The following ATP8A2 variants were observed in gnomAD, a reference collection of about 807,000 sequenced individuals.
ATP8A2 encodes ATPase phospholipid transporting 8A2, also known as phospholipid-transporting ATPase IB.
ATP8A2 carries 100 observed loss-of-function variants against 165.6 expected under a neutral mutation model. The ratio of observed to expected loss-of-function variants is 0.60; its 90% confidence interval spans 0.51 to 0.71. ATP8A2 has a LOEUF of 0.71. Among genes scored for constraint, ATP8A2 ranks in the 30% least tolerant of loss-of-function variants. The pLI is 0.00. For synonymous variants in ATP8A2, 543 were observed against 548.8 expected (o/e 0.99, Z 0.15); for missense variants, 1,227 against 1,479.5 (o/e 0.83, Z 2.80).
intron 30 of ATP8A2, among the ~76,000 whole-genome samples, chr13:25,841,828 C>T (rs1951751735): frequency 6.6e-6 from 1 of 152,286 alleles, no homozygotes; most frequent in Admixed American, 6.5e-5. Flanking sequence ...GCTCATGATT[C>T]TGGAGGCTGG....
intron 10 of ATP8A2, among the ~76,000 whole-genome samples, chr13:25,548,674 G>T (rs1236247376): frequency 6.6e-6 from 1 of 152,118 alleles, no homozygotes; most frequent in Non-Finnish European, 1.5e-5. Flanking sequence ...TTTACTAATG[G>T]ATTTCCATTT....
At chr13:25,950,180 CAG>C (rs1343275131) in intron 33 of ATP8A2, among the ~76,000 whole-genome samples, 1 of 152,164 alleles carries the variant, frequency 6.6e-6, no homozygotes, top group African/African-American at 2.4e-5. Context: ...TCGCGTATCT[CAG>C]GGGCGATATA....
chr13:25,675,023 T>G (rs2042344481), intron 24 of ATP8A2, among the ~76,000 whole-genome samples: 1 of 152,220 alleles, frequency 6.6e-6, no homozygotes, highest in Admixed American at 6.5e-5. Flanking sequence ...ATGGGTGCAT[T>G]CTGGAACCAA....
At chr13:25,837,643 C>T (rs1951651365) in intron 29 of ATP8A2, among the ~76,000 whole-genome samples, 1 of 152,226 alleles carries the variant, frequency 6.6e-6, no homozygotes. Context: ...GTCAGAGATC[C>T]CCCTTGCGTG....
intron 33 of ATP8A2, among the ~76,000 whole-genome samples, chr13:25,951,177 G>C (rs1429333794): frequency 6.6e-6 from 1 of 152,202 alleles, no homozygotes; most frequent in Non-Finnish European, 1.5e-5. Context: ...AAAAAGACTT[G>C]TAGAAGCTTG....
chr13:26,012,799 C>G (rs965156434), intron 36 of ATP8A2, among the ~76,000 whole-genome samples, 177 bp downstream of exon 36: 2 of 151,982 alleles, frequency 1.3e-5, no homozygotes, highest in Admixed American at 1.3e-4. Flanking sequence ...CAGGAACGTG[C>G]AGCTTGAGTG....
intron 1 of ATP8A2, among the ~76,000 whole-genome samples, chr13:25,449,920 T>G (rs2035166912): frequency 6.6e-6 from 1 of 152,172 alleles, no homozygotes; most frequent in Admixed American, 6.5e-5. Flanking sequence ...AATTATTTTA[T>G]CACCCAGGTA....
chr13:25,887,757 T>A (rs1306671056), intron 33 of ATP8A2, among the ~76,000 whole-genome samples: 1 of 152,254 alleles, frequency 6.6e-6, no homozygotes, highest in Non-Finnish European at 1.5e-5. Flanking sequence ...ACATCCACCC[T>A]GTGAGCCATT....
At chr13:25,401,237 G>A (rs1219792390) in intron 1 of ATP8A2, among the ~76,000 whole-genome samples, 1 of 152,074 alleles carries the variant, frequency 6.6e-6, no homozygotes, top group Non-Finnish European at 1.5e-5. Flanking sequence ...AAGTGAAAGA[G>A]GATGCAAAAG....
At position 25,998,163 on chromosome 13, in the gene ATP8A2, G is replaced by C. The variant is rs936925696; in HGVS notation, c.3378-14368G>C. The stretch of plus-strand genomic sequence containing the variant: ...GTGCAGGGGTCCTGATTCTCCATAA[G>C]ACCTTTTCTGACATCACCCAGTGAA... On this transcript the variant is annotated intron_variant, in intron 35 of 36. Coordinates refer to ENST00000381655, the MANE Select transcript of ATP8A2 (RefSeq NM_016529.6). Among the ~76,000 whole-genome samples the C allele has an allele frequency of 2.0e-5, 3 of 152,152 alleles. No individual in the cohort carries two copies. The East Asian group carries it at 5.8e-4, about 29-fold the overall frequency.
At chr13:25,433,945 G>A (rs539188786) in intron 1 of ATP8A2, among the ~76,000 whole-genome samples, 51 of 152,270 alleles carry the variant, frequency 3.3e-4, no homozygotes, top group African/African-American at 1.2e-3. Flanking sequence ...ACATAAAGAT[G>A]GAAATAATAG....
chr13:25,871,287 T>C (rs1952671971), intron 33 of ATP8A2: 2 of 291,216 alleles, frequency 6.9e-6, no homozygotes, highest in Non-Finnish European at 1.4e-5. Context: ...GAACTTTTCC[T>C]TTCTTGAAAC....
At chr13:25,871,125 C>G in intron 33 of ATP8A2, 1 of 309,026 alleles carries the variant, frequency 3.2e-6, no homozygotes, top group Non-Finnish European at 6.3e-6. Context: ...TTTTTTTCTT[C>G]AGAGGTTTTG....
At chr13:25,639,419 A>G (rs142242083) in intron 24 of ATP8A2, among the ~76,000 whole-genome samples, 5,243 of 152,296 alleles carry the variant, frequency 0.034, 151 homozygotes, top group East Asian at 0.13. Flanking sequence ...TCTACTAAGC[A>G]AATGGAAAAC....
At chr13:25,612,093 CA>C (rs1447067755) in intron 24 of ATP8A2, among the ~76,000 whole-genome samples, 10 of 151,998 alleles carry the variant, frequency 6.6e-5, no homozygotes, top group African/African-American at 2.4e-4. Context: ...ACCAGCTTTT[CA>C]TTTCATTTAT....
At chr13:25,455,802 C>T (rs1253987066) in intron 1 of ATP8A2, among the ~76,000 whole-genome samples, 3 of 152,206 alleles carry the variant, frequency 2.0e-5, no homozygotes, top group African/African-American at 7.2e-5. Flanking sequence ...CAACACCTTA[C>T]CTGATTTGTA....
At chr13:25,783,093 CT>C (rs1344613102) in intron 27 of ATP8A2, among the ~76,000 whole-genome samples, 6 of 152,042 alleles carry the variant, frequency 3.9e-5, no homozygotes. Flanking sequence ...TACTGTTTTT[CT>C]TTCCTGAATA....
intron 24 of ATP8A2, among the ~76,000 whole-genome samples, chr13:25,665,796 G>A (rs112302125): frequency 0.022 from 3,341 of 151,730 alleles, 62 homozygotes; most frequent in Non-Finnish European, 0.035. Context: ...GAATCCTCCC[G>A]CCTCAGCCTC....
At chr13:25,858,976 G>A (rs1385114419) in intron 30 of ATP8A2, among the ~76,000 whole-genome samples, 1 of 151,992 alleles carries the variant, frequency 6.6e-6, no homozygotes, top group African/African-American at 2.4e-5. Context: ...AGCCTGAGGC[G>A]GGTGGATCAT....
Sources: gnomAD v4.1 joint callset for allele counts (sites outside exome capture counted in the v4.1 genomes callset) on GRCh38, gnomAD v4.1.1 for gene constraint, MANE v1.5 for transcripts, NCBI Gene and HGNC (gene_info 2026-07-23, HGNC 2026-07-21) for gene names.